The following PSMD1 variants were observed in gnomAD, a reference collection of about 807,000 sequenced individuals.
PSMD1 encodes the protein 26S proteasome non-ATPase regulatory subunit 1.
PSMD1 carries 18 observed loss-of-function variants against 119.0 expected under a neutral mutation model. The ratio of observed to expected loss-of-function variants is 0.15; its 90% CI spans 0.10 to 0.22. The LOEUF is 0.22. Ranked by LOEUF, PSMD1 falls within the 10% of genes least tolerant of loss-of-function variation. The pLI is 1.00. For missense variants in PSMD1, 702 were observed against 1,158.5 expected, an observed-to-expected ratio of 0.61 and a Z score of 5.72; for synonymous variants, 374 against 396.6, an observed-to-expected ratio of 0.94 and a Z score of 0.68.
intron 16 of PSMD1, among the ~76,000 whole-genome samples, chr2:231,127,277 A>C (rs545326386): frequency 2.2e-3 from 331 of 151,834 alleles, no homozygotes; most frequent in East Asian, 5.0e-3. Context: ...ACAACAACAA[A>C]AAAAAAAAAA....
At chr2:231,147,433 G>C (rs1696278528) in intron 18 of PSMD1, among the ~76,000 whole-genome samples, 1 of 152,152 alleles carries the variant, frequency 6.6e-6, no homozygotes, top group Non-Finnish European at 1.5e-5. Flanking sequence ...GGAGGCCAAG[G>C]CTGCAGTGAG....
At chr2:231,065,134 G>T (rs1038450904) in intron 4 of PSMD1, among the ~76,000 whole-genome samples, 2 of 149,626 alleles carry the variant, frequency 1.3e-5, no homozygotes, top group Admixed American at 1.3e-4. Flanking sequence ...TTTATTTCTT[G>T]GGGCTATGGT....
At chr2:231,084,913 T>G in intron 14 of PSMD1, 106 bp from the exon 15 acceptor site, 2 of 836,536 alleles carry the variant, frequency 2.4e-6, no homozygotes, top group African/African-American at 1.7e-5. Flanking sequence ...GCTCATCATT[T>G]CCTATCTGAG....
chr2:231,142,040 ACCC>A (rs1696132814), intron 17 of PSMD1, among the ~76,000 whole-genome samples: 1 of 151,778 alleles, frequency 6.6e-6, no homozygotes, highest in South Asian at 2.1e-4. Flanking sequence ...GTGCCACCAC[ACCC>A]GGCTAATTTT....
At chr2:231,088,331 C>T (rs1056917258) in intron 16 of PSMD1, among the ~76,000 whole-genome samples, 7 of 152,134 alleles carry the variant, frequency 4.6e-5, no homozygotes, top group African/African-American at 1.7e-4. Flanking sequence ...TTTCTCTTAG[C>T]TAAGATACAA....
chr2:231,109,242 TAGTG>T (rs1257705911), intron 16 of PSMD1: 7 of 1,613,964 alleles, frequency 4.3e-6, no homozygotes, highest in Non-Finnish European at 5.9e-6. Flanking sequence ...AAAGCATGGA[TAGTG>T]AGAAAGTAGG....
At chr2:231,154,377 T>G (rs1258847722) in intron 19 of PSMD1, among the ~76,000 whole-genome samples, 1 of 152,190 alleles carries the variant, frequency 6.6e-6, no homozygotes, top group African/African-American at 2.4e-5. Context: ...GAGGTTGCAG[T>G]GAACCGAGAT....
At chr2:231,129,655 A>G (rs1464643096) in intron 16 of PSMD1, among the ~76,000 whole-genome samples, 1 of 152,198 alleles carries the variant, frequency 6.6e-6, no homozygotes, top group Non-Finnish European at 1.5e-5. Context: ...AGTTATATGT[A>G]TTCACTATAT....
intron 16 of PSMD1, among the ~76,000 whole-genome samples, chr2:231,118,737 T>A (rs1055941213): frequency 6.6e-6 from 1 of 152,166 alleles, no homozygotes; most frequent in East Asian, 1.9e-4. Context: ...ACACTATTTG[T>A]CCGGAAAATA....
At chr2:231,164,563 G>A (rs1696712103) in intron 21 of PSMD1, among the ~76,000 whole-genome samples, 1 of 151,942 alleles carries the variant, frequency 6.6e-6, no homozygotes, top group African/African-American at 2.4e-5. Context: ...CAAATTTGAG[G>A]GTAGCAGTTA....
At chr2:231,091,976 T>C (rs1694607919) in intron 16 of PSMD1, among the ~76,000 whole-genome samples, 1 of 152,178 alleles carries the variant, frequency 6.6e-6, no homozygotes, top group South Asian at 2.1e-4. Flanking sequence ...CGTGCAAGAA[T>C]CTTTTGATCT....
At chr2:231,065,978 G>A (rs190517433) in intron 4 of PSMD1, among the ~76,000 whole-genome samples, 1 of 152,250 alleles carries the variant, frequency 6.6e-6, no homozygotes, top group Non-Finnish European at 1.5e-5. Context: ...CCTTTTCTGT[G>A]TTTAGACACA....
At chr2:231,130,100 C>T (rs1695819799) in intron 16 of PSMD1, among the ~76,000 whole-genome samples, 1 of 152,110 alleles carries the variant, frequency 6.6e-6, no homozygotes, top group East Asian at 1.9e-4. Flanking sequence ...TGAGCCACCA[C>T]ACCCGGCCAA....
chr2:231,057,812 T>C (rs758679416), intron 1 of PSMD1, among the ~76,000 whole-genome samples: 1 of 152,258 alleles, frequency 6.6e-6, no homozygotes, highest in African/African-American at 2.4e-5. Flanking sequence ...CAAGTTTCAA[T>C]TGGAGACTTA....
rs77982984 is a variant in PSMD1, at chr2:231,108,801, G to A, written c.1883+21620G>A. 8.7e-4 allele frequency: 1,400 copies of A among 1,614,106 alleles called. 7 individuals are homozygous for A. Among genetic ancestry groups the A allele is most frequent in the Non-Finnish European group, 1.1e-4 (135 of 1,180,016 alleles). Reference sequence around the variant, plus strand: ...GTGATATATCGGCCAAATGCATCCCGAAATGTCTTATTGAAGAGGGTGTAG... The same window carrying A: ...GTGATATATCGGCCAAATGCATCCCAAAATGTCTTATTGAAGAGGGTGTAG... On this transcript the variant is annotated intron_variant, in intron 16 of 24. Coordinates refer to ENST00000308696, the MANE Select transcript of PSMD1 (RefSeq NM_002807.4).
chr2:231,074,381 C>A (rs1350412926), intron 7 of PSMD1, among the ~76,000 whole-genome samples: 1 of 152,152 alleles, frequency 6.6e-6, no homozygotes, highest in Non-Finnish European at 1.5e-5. Context: ...TCTGGGATTA[C>A]GGGTGTGAGC....
chr2:231,110,625 A>G (rs1315800206), intron 16 of PSMD1, among the ~76,000 whole-genome samples: 2 of 152,224 alleles, frequency 1.3e-5, no homozygotes, highest in Non-Finnish European at 2.9e-5. Flanking sequence ...ATGTTCCTCA[A>G]ACCCTTTCTA....
At chr2:231,149,455 C>A (rs1696324758) in intron 18 of PSMD1, among the ~76,000 whole-genome samples, 1 of 152,222 alleles carries the variant, frequency 6.6e-6, no homozygotes, top group East Asian at 1.9e-4. Flanking sequence ...AACAACATCC[C>A]AAGACCCTAT....
At chr2:231,100,681 C>T (rs916685366) in intron 16 of PSMD1, among the ~76,000 whole-genome samples, 2 of 152,184 alleles carry the variant, frequency 1.3e-5, no homozygotes, top group Non-Finnish European at 2.9e-5. Context: ...AAATTTAGAA[C>T]TCATATCTAA....
Sources: gnomAD v4.1 joint callset for allele counts (sites outside exome capture counted in the v4.1 genomes callset) on GRCh38, gnomAD v4.1.1 for gene constraint, MANE v1.5 for transcripts, NCBI Gene and HGNC (gene_info 2026-07-23, HGNC 2026-07-21) for gene names.